The following ASTN2 variants were observed in gnomAD, a reference collection of about 807,000 sequenced individuals.
The protein encoded by ASTN2 is astrotactin-2.
A neutral mutation model predicts 139.8 loss-of-function variants in ASTN2; 54 were observed. That is an observed-to-expected ratio of 0.39 (90% CI 0.31 to 0.48). The LOEUF (loss-of-function observed/expected upper bound fraction) is 0.48, where lower values mean the gene tolerates loss of function less well. Ranked by LOEUF, ASTN2 falls within the 20% of genes least tolerant of loss-of-function variation. ASTN2 has a pLI of 0.95. For missense variants in ASTN2, 1,565 were observed against 1,725.1 expected (o/e 0.91, Z 1.64); for synonymous variants, 756 against 719.5 (o/e 1.05, Z -0.81).
chr9:116,683,848 C>T lies in ASTN2; in HGVS notation c.2807-32055G>A, dbSNP rs548139339. On this transcript the variant is annotated intron_variant, in intron 16 of 22. Coordinates refer to ENST00000313400, the MANE Select transcript of ASTN2 (RefSeq NM_001365068.1). ...GTAAGAATCTGTTTTTGTCTTGTAACAGGACACAACTGGAGAAATTGATTA... is the reference window on the plus strand; with the variant it reads ...GTAAGAATCTGTTTTTGTCTTGTAATAGGACACAACTGGAGAAATTGATTA... Among the ~76,000 whole-genome samples, 3 of 152,208 alleles carry T rather than the reference C, an allele frequency of 2.0e-5. No individual in the cohort carries two copies. The East Asian group carries it at 5.8e-4, about 29-fold the overall frequency.
At chr9:117,320,791 G>T (rs551995239) in intron 1 of ASTN2, among the ~76,000 whole-genome samples, 1 of 152,094 alleles carries the variant, frequency 6.6e-6, no homozygotes, top group East Asian at 1.9e-4. Flanking sequence ...CAAACTCCCC[G>T]TAACTGCCAC....
chr9:117,098,775 T>C (rs944428155), intron 4 of ASTN2, among the ~76,000 whole-genome samples: 8 of 122,032 alleles, frequency 6.6e-5, no homozygotes, highest in East Asian at 2.5e-4. Flanking sequence ...AATATTTTAC[T>C]GTTAAAAAAA....
intron 2 of ASTN2, among the ~76,000 whole-genome samples, chr9:117,249,442 G>C (rs1833475777): frequency 6.6e-6 from 1 of 152,142 alleles, no homozygotes; most frequent in South Asian, 2.1e-4. Context: ...GTGCAAACTG[G>C]AAAACCATTT....
intron 11 of ASTN2, among the ~76,000 whole-genome samples, chr9:116,828,007 T>C (rs1019308819): frequency 1.3e-5 from 2 of 152,180 alleles, no homozygotes; most frequent in Admixed American, 6.5e-5. Flanking sequence ...AACAAAATAC[T>C]AGCAAAAGGC....
chr9:116,993,876 A>ATATTTTTTTT (rs1030120382), intron 7 of ASTN2, among the ~76,000 whole-genome samples: 8 of 142,048 alleles, frequency 5.6e-5, no homozygotes, highest in African/African-American at 1.3e-4. Flanking sequence ...ATATATATAT[A>ATATTTTTTTT]TTTTAACTAT....
At chr9:117,182,267 C>T (rs918278934) in intron 3 of ASTN2, among the ~76,000 whole-genome samples, 1 of 151,924 alleles carries the variant, frequency 6.6e-6, no homozygotes, top group Admixed American at 6.6e-5. Flanking sequence ...TCACCCAAGT[C>T]CCAGGCATTT....
At chr9:116,652,016 G>C (rs1415187307) in intron 16 of ASTN2, among the ~76,000 whole-genome samples, 2 of 152,070 alleles carry the variant, frequency 1.3e-5, no homozygotes, top group African/African-American at 4.8e-5. Flanking sequence ...ATATCCACTT[G>C]CTTTGTCTGG....
intron 5 of ASTN2, among the ~76,000 whole-genome samples, chr9:117,043,327 C>G (rs1369209545): frequency 6.6e-6 from 1 of 152,122 alleles, no homozygotes; most frequent in African/African-American, 2.4e-5. Context: ...GAAATGGACA[C>G]TCTGGACAGT....
chr9:117,287,684 T>C (rs1834484867), intron 2 of ASTN2, among the ~76,000 whole-genome samples: 1 of 152,110 alleles, frequency 6.6e-6, no homozygotes, highest in African/African-American at 2.4e-5. Flanking sequence ...AAATGTCAGG[T>C]ATTATGATTA....
chr9:116,621,414 TAC>T (rs56109422), intron 17 of ASTN2, among the ~76,000 whole-genome samples: 24,548 of 141,814 alleles, frequency 0.17, 2,206 homozygotes, highest in African/African-American at 0.22. Flanking sequence ...TTAAAACACA[TAC>T]ACACACACAC....
In ASTN2 at chr9:117,414,816, C is replaced by G; in HGVS notation, c.123G>C (p.Leu41=). ...CGGCCAGCAGCGGCGGCGGCGGCAG[C>G]AGGAGCAGGAACAGCAGCAGCAGCG... ...LLPLLLLFLL[L]LPPPPLLAGA... The change falls in exon 1 of 23, where the codon CTG becomes CTC. Residue 41 remains leucine (L), a synonymous_variant. Coordinates refer to ENST00000313400, the MANE Select transcript of ASTN2 (RefSeq NM_001365068.1). This position sits in a 1 kb window ranked among gnomAD's most constrained non-coding sequence, Gnocchi z 4.2. 1 of 1,216,900 alleles carries G rather than the reference C, an allele frequency of 8.2e-7. No individual in the cohort carries two copies. The allele number at this position is 1,216,900 out of a possible 1,614,324, so 75.4% of individuals were successfully genotyped here. A position where few individuals can be genotyped will look rare whatever the true frequency, so the allele number is the denominator to read the frequency against.
chr9:116,941,054 C>T (rs1467249231), intron 10 of ASTN2, among the ~76,000 whole-genome samples: 2 of 152,054 alleles, frequency 1.3e-5, no homozygotes, highest in African/African-American at 4.8e-5. Flanking sequence ...TAACCTTTAC[C>T]ATCTATTTTT....
chr9:117,137,864 TG>T (rs1829989837), intron 4 of ASTN2, among the ~76,000 whole-genome samples: 1 of 152,170 alleles, frequency 6.6e-6, no homozygotes, highest in South Asian at 2.1e-4. Context: ...AAGCATACTG[TG>T]ATTAAGCTGT....
intron 13 of ASTN2, among the ~76,000 whole-genome samples, chr9:116,790,831 C>T (rs762786366): frequency 2.3e-4 from 35 of 150,464 alleles, no homozygotes; most frequent in African/African-American, 7.8e-4. Flanking sequence ...TGCGCCACCA[C>T]GCTGGGCTAA....
At chr9:116,657,453 AT>A (rs1858286522) in intron 16 of ASTN2, among the ~76,000 whole-genome samples, 1 of 152,226 alleles carries the variant, frequency 6.6e-6, no homozygotes. Flanking sequence ...TAGAAGTAAA[AT>A]TCCCAAGTCA....
chr9:116,621,441 G>A (rs113752760), intron 17 of ASTN2, among the ~76,000 whole-genome samples: 6 of 147,946 alleles, frequency 4.1e-5, no homozygotes, highest in Admixed American at 6.7e-5. Context: ...ACACATGCAC[G>A]CACACACACA....
intron 5 of ASTN2, among the ~76,000 whole-genome samples, chr9:117,092,558 C>T (rs1395313137): frequency 6.6e-6 from 1 of 152,240 alleles, no homozygotes; most frequent in East Asian, 1.9e-4. Context: ...CCACATGCCT[C>T]GAGATTTGGA....
chr9:116,641,413 T>A (rs12235870), intron 17 of ASTN2, among the ~76,000 whole-genome samples: 2 of 152,180 alleles, frequency 1.3e-5, no homozygotes, highest in Non-Finnish European at 2.9e-5. Flanking sequence ...ACAAGTGATT[T>A]AGCTTCTCCA....
chr9:117,270,226 T>C (rs1329859236), intron 2 of ASTN2, among the ~76,000 whole-genome samples: 1 of 152,212 alleles, frequency 6.6e-6, no homozygotes, highest in African/African-American at 2.4e-5. Flanking sequence ...TTTACAAATG[T>C]TTAAATGTAC....
Sources: gnomAD v4.1 joint callset for allele counts (sites outside exome capture counted in the v4.1 genomes callset) on GRCh38, gnomAD v4.1.1 for gene constraint, Gnocchi (gnomAD v3.1) non-coding constraint, MANE v1.5 for transcripts, NCBI Gene and HGNC (gene_info 2026-07-23, HGNC 2026-07-21) for gene names.